TXLNA: variants seen among roughly 807,000 people sequenced by gnomAD.
The protein encoded by TXLNA is alpha-taxilin.
A neutral mutation model predicts 61.4 loss-of-function variants in TXLNA; 9 were observed. That is an observed-to-expected ratio of 0.15 (90% CI 0.09 to 0.26). The LOEUF is 0.26. Among genes scored for constraint, TXLNA ranks in the 10% least tolerant of loss-of-function variants. The pLI, the probability that TXLNA is intolerant of heterozygous loss-of-function variation, is 1.00. For synonymous variants in TXLNA, 257 were observed against 267.7 expected (o/e 0.96, Z 0.39); for missense variants, 565 against 688.8 (o/e 0.82, Z 2.01).
intron 4 of TXLNA, 124 bp downstream of exon 4, chr1:32,184,740 T>C (rs960237094): frequency 8.2e-6 from 5 of 612,834 alleles, no homozygotes; most frequent in African/African-American, 1.8e-5. Flanking sequence ...CTCTGAACTA[T>C]CTGTTAAATG....
chr1:32,186,124 A>G (rs183867950), intron 4 of TXLNA, among the ~76,000 whole-genome samples: 1 of 152,360 alleles, frequency 6.6e-6, no homozygotes, highest in Admixed American at 6.5e-5. Flanking sequence ...TAAGGATTAA[A>G]TAAAAGGTAT....
Position 32,195,599 on chromosome 1 carries a change from A to G in TXLNA, c.*404A>G. Reference sequence around the variant, plus strand: ...CCCTTCAGAGCTCAAGACAAGTAATACACCCAGGTCTTGACTGCATTTGTC... The same window carrying G: ...CCCTTCAGAGCTCAAGACAAGTAATGCACCCAGGTCTTGACTGCATTTGTC... On this transcript the variant is annotated 3_prime_UTR_variant, in exon 11 of 11. Transcript: ENST00000373610. The G allele has an allele frequency of 2.5e-6, 1 of 395,488 alleles. No individual in the cohort carries two copies. The highest frequency in any genetic ancestry group is 7.1e-5 in the East Asian group (1 of 14,058). The allele number at this position is 395,488 out of a possible 1,614,324, so 24.5% of individuals were successfully genotyped here.
chr1:32,181,026 ACTATAATTT>A (rs1642644025), intron 2 of TXLNA, among the ~76,000 whole-genome samples: 1 of 152,224 alleles, frequency 6.6e-6, no homozygotes, highest in Non-Finnish European at 1.5e-5. Context: ...GGCAACGATT[ACTATAATTT>A]CTTGATTTAA....
intron 10 of TXLNA, 99 bp from the exon 11 acceptor site, chr1:32,194,803 G>C (rs187243481): frequency 7.1e-7 from 1 of 1,414,466 alleles, no homozygotes; most frequent in South Asian, 1.4e-5. Flanking sequence ...CTTTGGACTC[G>C]GTCTGCTCTC....
At chr1:32,191,682 G>A (rs1642910306) in intron 6 of TXLNA, among the ~76,000 whole-genome samples, 1 of 152,104 alleles carries the variant, frequency 6.6e-6, no homozygotes, top group South Asian at 2.1e-4. Context: ...TACCCAAACT[G>A]GACTTACCTG....
intron 3 of TXLNA, among the ~76,000 whole-genome samples, chr1:32,182,220 G>A (rs1642679694): frequency 1.3e-5 from 2 of 151,616 alleles, no homozygotes; most frequent in Admixed American, 6.6e-5. Flanking sequence ...CCCATCCGTG[G>A]GTTGGATTTG....
chr1:32,184,676 T>C, intron 4 of TXLNA, 60 bp downstream of exon 4: 4 of 1,250,766 alleles, frequency 3.2e-6, no homozygotes, highest in South Asian at 1.3e-5. Flanking sequence ...TGCCACCTGG[T>C]GTAAGGTTGG....
intron 3 of TXLNA, among the ~76,000 whole-genome samples, chr1:32,181,954 A>G (rs2124131680): frequency 6.6e-6 from 1 of 152,292 alleles, no homozygotes; most frequent in Middle Eastern, 3.4e-3. Context: ...AAATTAGACT[A>G]GGCCAGAGTT....
At chr1:32,181,196 T>A (rs774148578) in intron 2 of TXLNA, 46 bp from the exon 3 acceptor site, 1 of 1,465,858 alleles carries the variant, frequency 6.8e-7, no homozygotes, top group Non-Finnish European at 9.1e-7. Context: ...ACCAGTGGTA[T>A]AATCGTCTTC....
intron 4 of TXLNA, among the ~76,000 whole-genome samples, chr1:32,185,651 C>T (rs1340055204): frequency 6.7e-6 from 1 of 150,084 alleles, no homozygotes; most frequent in Admixed American, 6.7e-5. Flanking sequence ...CCGCCCGCCT[C>T]GGCCTCCCAA....
rs1642605801 is a variant in TXLNA, at chr1:32,179,705, G to A, written c.-104G>A. 1 of 152,286 alleles carries A rather than the reference G, an allele frequency of 6.6e-6. No individual in the cohort carries two copies. The highest frequency in any genetic ancestry group is 1.5e-5 in the Non-Finnish European group (1 of 68,090). 9.4% of individuals were successfully genotyped at this position (152,286 alleles called of 1,614,324 possible). A position where few individuals can be genotyped will look rare whatever the true frequency, so the allele number is the denominator to read the frequency against. On this transcript the variant is annotated 5_prime_UTR_variant, in exon 1 of 11. Coordinates refer to ENST00000373610, the MANE Select transcript of TXLNA (RefSeq NM_175852.4). ...TTGGCTGAGGCGGGAGCAGGCGGCT[G>A]GCCGGCAGCAGTTACTCGGGGTTTC... is the stretch of plus-strand genomic sequence containing the variant.
chr1:32,183,855 G>A (rs770984888), intron 3 of TXLNA, among the ~76,000 whole-genome samples: 4 of 152,124 alleles, frequency 2.6e-5, no homozygotes, highest in Admixed American at 6.5e-5. Flanking sequence ...TCCTACCTCA[G>A]CCTCCGGAGT....
chr1:32,189,927 C>T, intron 5 of TXLNA, 128 bp from the exon 6 acceptor site: 2 of 943,516 alleles, frequency 2.1e-6, no homozygotes, highest in Non-Finnish European at 3.2e-6. Flanking sequence ...TGCACAACAT[C>T]CTGGAGTCTG....
rs1356229203 is a variant in TXLNA at position 32,181,230 on chromosome 1, C to G, written c.170-12C>G. 6.5e-7 allele frequency: 1 copy of G among 1,549,314 alleles called. No homozygotes were observed. Among genetic ancestry groups the G allele is most frequent in the Non-Finnish European group, 8.7e-7 (1 of 1,144,294 alleles). ...TCTTTCTCACTCTACCCCTCATCCT[C>G]TCCTGCTGTAGGGGCTCAAGCCAGA... is the stretch of plus-strand genomic sequence containing the variant. On this transcript the variant is annotated splice_polypyrimidine_tract_variant and intron_variant, in intron 2 of 10. Transcript: ENST00000373610.
In TXLNA at chr1:32,184,551, A is replaced by G; in HGVS notation, c.532A>G (p.Thr178Ala). Reference sequence around the variant, plus strand: ...GAAGGAGATCACGTTGCTGATGCAGACATTGAATACTCTGAGTACCCCAGA... The same window carrying G: ...GAAGGAGATCACGTTGCTGATGCAGGCATTGAATACTCTGAGTACCCCAGA... ...LGKEITLLMQ[T>A]LNTLSTPEEK... Residue 178 changes from threonine to alanine, a missense_variant, in exon 4 of 11, where the codon ACA (threonine) becomes GCA (alanine). Physicochemically the swap from Thr to Ala is moderately conservative, Grantham distance 58 (BLOSUM62 0). Transcript: ENST00000373610. 1 of 1,613,808 alleles carries G rather than the reference A, an allele frequency of 6.2e-7. No individual in the cohort carries two copies.
rs1161229791 is a variant in TXLNA, at chr1:32,180,340, A to G, written c.-6A>G. On this transcript the variant is annotated 5_prime_UTR_variant, in exon 2 of 11. Coordinates refer to ENST00000373610, the MANE Select transcript of TXLNA (RefSeq NM_175852.4). ...ATCTTCTCCTGACCCAGCATCGCTC[A>G]TCACAATGAAGAACCAAGACAAAAA... 1 of 1,606,208 alleles carries G rather than the reference A, an allele frequency of 6.2e-7. No homozygotes were observed. Among genetic ancestry groups the G allele is most frequent in the African/African-American group, 1.3e-5 (1 of 74,264 alleles).
At chr1:32,194,005 A>G (rs1472280648) in intron 9 of TXLNA, 60 bp from the exon 10 acceptor site, 109 of 1,388,254 alleles carry the variant, frequency 7.9e-5, no homozygotes, top group Non-Finnish European at 1.1e-4. Flanking sequence ...CCCACCTTGG[A>G]GACACAGACC....
chr1:32,190,286 T>C (rs1288244695), intron 6 of TXLNA, 37 bp downstream of exon 6: 1 of 1,549,834 alleles, frequency 6.5e-7, no homozygotes, highest in East Asian at 2.4e-5. Context: ...GGCCCAGAAA[T>C]TGTGAGGTTT....
At chr1:32,187,425 G>GTT (rs1642811317) in intron 4 of TXLNA, among the ~76,000 whole-genome samples, 1 of 152,200 alleles carries the variant, frequency 6.6e-6, no homozygotes, top group Admixed American at 6.5e-5. Flanking sequence ...TGTGGAAGAG[G>GTT]TGATGGACTG....
Sources: allele counts gnomAD v4.1 joint callset (sites outside exome capture counted in the v4.1 genomes callset), GRCh38; gene constraint gnomAD v4.1.1; transcripts MANE v1.5; gene names NCBI Gene and HGNC (gene_info 2026-07-23, HGNC 2026-07-21).